Variants in FGGY observed in about 807,000 individuals in gnomAD.
The protein encoded by FGGY is FGGY carbohydrate kinase domain-containing protein.
A neutral mutation model predicts 71.3 loss-of-function variants in FGGY; 72 were observed. That is an observed-to-expected ratio of 1.01 (90% CI 0.84 to 1.23). FGGY has a LOEUF of 1.23. Among genes scored for constraint, FGGY ranks in the 50% most tolerant of loss-of-function variants. The pLI is 0.00. For missense variants in FGGY, 668 were observed against 682.3 expected, an observed-to-expected ratio of 0.98 and a Z score of 0.23; for synonymous variants, 251 against 250.3, an observed-to-expected ratio of 1.00 and a Z score of -0.02.
intron 8 of FGGY, among the ~76,000 whole-genome samples, chr1:59,556,677 G>C (rs75848253): frequency 1.3e-5 from 2 of 152,300 alleles, no homozygotes; most frequent in East Asian, 1.9e-4. Flanking sequence ...CTAAGCTTCA[G>C]ATTCTTCATC....
intron 11 of FGGY, among the ~76,000 whole-genome samples, chr1:59,640,196 C>T (rs1029305196): frequency 3.3e-5 from 5 of 152,272 alleles, no homozygotes; most frequent in African/African-American, 1.2e-4. Context: ...TGCAATGGAA[C>T]AGTTATCACT....
At chr1:59,535,001 TG>T (rs1195563394) in intron 7 of FGGY, among the ~76,000 whole-genome samples, 2 of 151,100 alleles carry the variant, frequency 1.3e-5, no homozygotes, top group Middle Eastern at 3.2e-3. Context: ...TAAATGTAAA[TG>T]GACTAAATGC....
intron 5 of FGGY, among the ~76,000 whole-genome samples, chr1:59,391,078 C>A (rs780953856): frequency 6.6e-6 from 1 of 152,144 alleles, no homozygotes; most frequent in Non-Finnish European, 1.5e-5. Flanking sequence ...AGTTAAATAG[C>A]TTGTGGATGG....
At chr1:59,738,355 G>A (rs1414269675) in intron 14 of FGGY, among the ~76,000 whole-genome samples, 3 of 152,158 alleles carry the variant, frequency 2.0e-5, no homozygotes, top group Non-Finnish European at 4.4e-5. Context: ...CTCGGCCTTT[G>A]CCTAAAGTCA....
chr1:59,581,680 A>G (rs556415950), intron 8 of FGGY, among the ~76,000 whole-genome samples: 2 of 150,034 alleles, frequency 1.3e-5, no homozygotes, highest in South Asian at 4.2e-4. Context: ...AATAACTGCT[A>G]TGTGCCAGGT....
chr1:59,425,548 C>A (rs1314892670), intron 5 of FGGY, among the ~76,000 whole-genome samples: 1 of 152,138 alleles, frequency 6.6e-6, no homozygotes, highest in African/African-American at 2.4e-5. Flanking sequence ...AGCTACTCTT[C>A]CAGTGACAAA....
chr1:59,365,239 G>A (rs539252068), intron 4 of FGGY, among the ~76,000 whole-genome samples: 9 of 152,276 alleles, frequency 5.9e-5, no homozygotes, highest in Non-Finnish European at 1.3e-4. Flanking sequence ...AGATCCCTGG[G>A]GAGCAGCTAA....
At chr1:59,318,925 G>A (rs2045921130) in intron 1 of FGGY, among the ~76,000 whole-genome samples, 1 of 152,224 alleles carries the variant, frequency 6.6e-6, no homozygotes, top group African/African-American at 2.4e-5. Context: ...GCAGCTGTGA[G>A]AGGTTGGTAG....
intron 8 of FGGY, among the ~76,000 whole-genome samples, chr1:59,591,933 A>G (rs2096449022): frequency 6.6e-6 from 1 of 152,236 alleles, no homozygotes; most frequent in South Asian, 2.1e-4. Context: ...GCCAAAATTG[A>G]CAAATGGGAT....
At chr1:59,384,437 G>A (rs1406600774) in intron 5 of FGGY, among the ~76,000 whole-genome samples, 1 of 152,110 alleles carries the variant, frequency 6.6e-6, no homozygotes, top group African/African-American at 2.4e-5. Flanking sequence ...ATATCAAGGT[G>A]AAACAAGGAA....
At chr1:59,430,668 G>T (rs755967098) in intron 5 of FGGY, among the ~76,000 whole-genome samples, 1 of 152,040 alleles carries the variant, frequency 6.6e-6, no homozygotes, top group Non-Finnish European at 1.5e-5. Context: ...TAATAAACAT[G>T]GAAAGGAGAT....
At chr1:59,735,426 T>C (rs1190177478) in intron 14 of FGGY, among the ~76,000 whole-genome samples, 1 of 152,170 alleles carries the variant, frequency 6.6e-6, no homozygotes, top group Non-Finnish European at 1.5e-5. Flanking sequence ...TGACACCAGG[T>C]GATATTGTGG....
chr1:59,455,507 A>G (rs1156772007), intron 5 of FGGY, among the ~76,000 whole-genome samples: 1 of 152,234 alleles, frequency 6.6e-6, no homozygotes, highest in Non-Finnish European at 1.5e-5. Flanking sequence ...ACACAGTCAT[A>G]TCACAAAGGG....
chr1:59,685,009 G>T (rs1434979839), intron 14 of FGGY, among the ~76,000 whole-genome samples: 2 of 152,148 alleles, frequency 1.3e-5, no homozygotes, highest in Non-Finnish European at 2.9e-5. Context: ...AGAAATTGAG[G>T]CACCAAGCTA....
At chr1:59,722,650 TC>T (rs1327952052) in intron 14 of FGGY, among the ~76,000 whole-genome samples, 1 of 152,236 alleles carries the variant, frequency 6.6e-6, no homozygotes, top group Non-Finnish European at 1.5e-5. Flanking sequence ...TTTGACATAA[TC>T]CCGTAATTGT....
At chr1:59,534,302 A>G (rs376994007) in intron 7 of FGGY, among the ~76,000 whole-genome samples, 6 of 152,142 alleles carry the variant, frequency 3.9e-5, no homozygotes, top group East Asian at 3.9e-4. Flanking sequence ...AAAGAAACGA[A>G]CAAAGCCTCC....
chr1:59,565,886 A>G (rs1372958367), intron 8 of FGGY, among the ~76,000 whole-genome samples: 1 of 151,986 alleles, frequency 6.6e-6, no homozygotes, highest in East Asian at 1.9e-4. Context: ...AAACAACATC[A>G]CTTGTCACCA....
intron 10 of FGGY, among the ~76,000 whole-genome samples, chr1:59,629,258 G>A (rs1558604168): frequency 6.6e-6 from 1 of 152,038 alleles, no homozygotes; most frequent in East Asian, 1.9e-4. Flanking sequence ...GTTGTAGTTA[G>A]TATATTAGAC....
chr1:59,672,093 C>T (rs1278513330), intron 13 of FGGY, among the ~76,000 whole-genome samples: 5 of 152,198 alleles, frequency 3.3e-5, no homozygotes, highest in Non-Finnish European at 7.3e-5. Context: ...CATAGTCGCA[C>T]ACCCATCTGT....
Sources: gnomAD v4.1 joint callset for allele counts (sites outside exome capture counted in the v4.1 genomes callset) on GRCh38, gnomAD v4.1.1 for gene constraint, MANE v1.5 for transcripts, NCBI Gene and HGNC (gene_info 2026-07-23, HGNC 2026-07-21) for gene names.